The following SDK1 variants were observed in gnomAD, a reference collection of about 807,000 sequenced individuals.
The protein encoded by SDK1 is protein sidekick-1.
SDK1 carries 157 observed loss-of-function variants against 245.5 expected under a neutral mutation model. That is an observed-to-expected ratio of 0.64 (90% confidence interval 0.56 to 0.73). The LOEUF is 0.73. Ranked by LOEUF, SDK1 falls within the 30% of genes least tolerant of loss-of-function variation. SDK1 has a pLI of 0.00. For synonymous variants in SDK1, 1,647 were observed against 1,278.5 expected, an observed-to-expected ratio of 1.29 and a Z score of -6.15; for missense variants, 3,583 against 3,002.3, an observed-to-expected ratio of 1.19 and a Z score of -4.52.
At chr7:3,664,566 A>G (rs911316252) in intron 4 of SDK1, among the ~76,000 whole-genome samples, 1 of 151,924 alleles carries the variant, frequency 6.6e-6, no homozygotes. Flanking sequence ...TGGTGAAACC[A>G]TGTCTTCTAC....
intron 1 of SDK1, among the ~76,000 whole-genome samples, chr7:3,484,646 C>G (rs146672174): frequency 2.6e-5 from 4 of 152,144 alleles, no homozygotes; most frequent in African/African-American, 9.7e-5. Context: ...TAACCAACCT[C>G]GCCTCACACT....
At chr7:4,081,015 A>G (rs534823373) in intron 22 of SDK1, among the ~76,000 whole-genome samples, 4 of 152,366 alleles carry the variant, frequency 2.6e-5, no homozygotes, top group African/African-American at 9.6e-5. Context: ...ATCCATCTGC[A>G]GAAGTAGCCA....
At chr7:4,182,995 G>A (rs958316633) in intron 35 of SDK1, among the ~76,000 whole-genome samples, 3 of 152,232 alleles carry the variant, frequency 2.0e-5, no homozygotes, top group Non-Finnish European at 4.4e-5. Flanking sequence ...TCACTGGTCA[G>A]TCTCCCTGAG....
chr7:3,787,303 A>T (rs1303865660), intron 4 of SDK1, among the ~76,000 whole-genome samples: 1 of 152,144 alleles, frequency 6.6e-6, no homozygotes, highest in African/African-American at 2.4e-5. Flanking sequence ...TATTTTTTCT[A>T]TACATAAGCA....
intron 19 of SDK1, among the ~76,000 whole-genome samples, chr7:4,055,560 TTTTTTG>T (rs1779143233): frequency 1.2e-5 from 1 of 81,756 alleles, no homozygotes; most frequent in Non-Finnish European, 2.1e-5. Context: ...GTTGTTTTTG[TTTTTTG>T]TTTTTTTAGA....
At chr7:3,865,329 G>A (rs1221885119) in intron 5 of SDK1, among the ~76,000 whole-genome samples, 1 of 152,180 alleles carries the variant, frequency 6.6e-6, no homozygotes, top group Non-Finnish European at 1.5e-5. Flanking sequence ...GAATGCAGAA[G>A]GGCATTTCAT....
intron 35 of SDK1, among the ~76,000 whole-genome samples, chr7:4,184,267 G>A (rs1185845890): frequency 2.0e-5 from 3 of 152,230 alleles, no homozygotes; most frequent in Non-Finnish European, 2.9e-5. Context: ...AGACTTTGCT[G>A]TGGTCCCATA....
intron 35 of SDK1, among the ~76,000 whole-genome samples, chr7:4,180,561 G>C (rs369240436): frequency 6.6e-6 from 1 of 152,242 alleles, no homozygotes; most frequent in Non-Finnish European, 1.5e-5. Flanking sequence ...CCCAGCTCCA[G>C]TTCTAGGGTC....
At position 3,974,437 on chromosome 7, in the gene SDK1, A is replaced by G. The variant is rs748654902; in HGVS notation, c.1886A>G (p.Asp629Gly). ...ACGTCTAGGATCGTGGTGGAGAAGG[A>G]CGGGTCCCTTCTCATCAGCCAGACG... is the stretch of plus-strand genomic sequence containing the variant. Reference protein sequence around the residue: ...SSTSRIVVEKDGSLLISQTWS... With the variant: ...SSTSRIVVEKGGSLLISQTWS... Residue 629 changes from aspartate (D) to glycine (G), a missense_variant, in exon 13 of 45, where the codon GAC (aspartate) becomes GGC (glycine). Physicochemically the swap from Asp to Gly is moderately conservative, Grantham distance 94. Transcript: ENST00000404826. 6.8e-6 allele frequency: 11 copies of G among 1,613,810 alleles called. No homozygotes were observed. Among genetic ancestry groups the G allele is most frequent in the African/African-American group, 4.0e-5 (3 of 74,888 alleles).
At chr7:3,627,092 T>G (rs1782145655) in intron 2 of SDK1, among the ~76,000 whole-genome samples, 1 of 152,010 alleles carries the variant, frequency 6.6e-6, no homozygotes, top group Non-Finnish European at 1.5e-5. Context: ...CATGCCCAGC[T>G]AATTCTTTTA....
rs772458761 is a variant in SDK1 at position 3,642,059 on chromosome 7, G to A, written c.667G>A (p.Val223Met). Residue 223 changes from valine (V) to methionine (M), a missense_variant, in exon 4 of 45, where the codon GTG (valine) becomes ATG (methionine). Coordinates refer to ENST00000404826, the MANE Select transcript of SDK1 (RefSeq NM_152744.4). The part of the protein sequence containing the change: ...LPITSYPRPQ[V>M]TWFREGHKII... ...CATCACCAGCTACCCCAGACCTCAA[G>A]TGACTTGGTTTAGAGAAGGGCACAA... is the stretch of plus-strand genomic sequence containing the variant. The A allele has an allele frequency of 1.9e-6, 3 of 1,614,162 alleles. No homozygotes were observed. The highest frequency in any genetic ancestry group is 2.2e-5 in the South Asian group (2 of 91,086).
chr7:3,824,780 T>A (rs1779731205), intron 5 of SDK1, among the ~76,000 whole-genome samples: 1 of 152,108 alleles, frequency 6.6e-6, no homozygotes, highest in Non-Finnish European at 1.5e-5. Context: ...AGATTTAAAT[T>A]TTTTTTTAAA....
intron 1 of SDK1, among the ~76,000 whole-genome samples, chr7:3,590,114 A>T (rs1780816880): frequency 6.6e-6 from 1 of 152,200 alleles, no homozygotes; most frequent in Admixed American, 6.5e-5. Flanking sequence ...GACTTATAAA[A>T]TGGAAAACTA....
At chr7:4,045,792 G>T (rs1788979151) in intron 17 of SDK1, among the ~76,000 whole-genome samples, 1 of 152,098 alleles carries the variant, frequency 6.6e-6, no homozygotes, top group African/African-American at 2.4e-5. Context: ...GGGGTCCAGG[G>T]CATCCCATCA....
chr7:3,751,897 G>A (rs1583374686), intron 4 of SDK1, among the ~76,000 whole-genome samples: 2 of 152,180 alleles, frequency 1.3e-5, no homozygotes, highest in South Asian at 2.1e-4. Flanking sequence ...GATGAAATTT[G>A]TGTGGTTATA....
At chr7:3,371,638 A>G (rs750406227) in intron 1 of SDK1, among the ~76,000 whole-genome samples, 15 of 152,200 alleles carry the variant, frequency 9.9e-5, no homozygotes, top group Non-Finnish European at 1.5e-4. Context: ...ATCTCCAAAA[A>G]TAGAAGAGGA....
chr7:3,693,817 A>C (rs1487730191), intron 4 of SDK1, among the ~76,000 whole-genome samples: 2 of 151,974 alleles, frequency 1.3e-5, no homozygotes, highest in East Asian at 3.9e-4. Context: ...GCTATCCCCT[A>C]GCTATGTATA....
chr7:4,172,471 G>T (rs1372532357), intron 32 of SDK1, among the ~76,000 whole-genome samples: 5 of 152,204 alleles, frequency 3.3e-5, no homozygotes, highest in Non-Finnish European at 7.4e-5. Context: ...TTTGGGTTTT[G>T]CCTCGTGAGT....
rs71032922 is a variant in SDK1 at position 4,093,458 on chromosome 7, CAAAAAAAA to C, written c.3324+13892_3324+13899del. On this transcript the variant is annotated intron_variant, in intron 22 of 44. Coordinates refer to ENST00000404826, the MANE Select transcript of SDK1 (RefSeq NM_152744.4). ...CTGTTTTCATTCTGAAAATGGAAAG[CAAAAAAAA>C]AAAAAAAAAAAAAAAAAGTCCCACT... Among the ~76,000 whole-genome samples the C allele has an allele frequency of 2.1e-3, 161 of 77,756 alleles. 1 individual carries two copies. The highest frequency in any genetic ancestry group is 0.011 in the East Asian group (17 of 1,582). The allele number at this position is 77,756 out of a possible 152,430, so 51.0% of individuals were successfully genotyped here. A position where few individuals can be genotyped will look rare whatever the true frequency, so the allele number is the denominator to read the frequency against.
Sources: gnomAD v4.1 joint callset for allele counts (sites outside exome capture counted in the v4.1 genomes callset) on GRCh38, gnomAD v4.1.1 for gene constraint, MANE v1.5 for transcripts, NCBI Gene and HGNC (gene_info 2026-07-23, HGNC 2026-07-21) for gene names.